Variants in CDH11 observed in about 807,000 individuals in gnomAD.
CDH11 encodes the protein cadherin-11.
In CDH11, 11 loss-of-function variants were observed where a neutral mutation model predicts 67.8. The ratio of observed to expected loss-of-function variants is 0.16; its 90% CI spans 0.10 to 0.27. The LOEUF (loss-of-function observed/expected upper bound fraction) is 0.27. Among genes scored for constraint, CDH11 ranks in the 10% least tolerant of loss-of-function variants. The probability of loss-of-function intolerance (pLI) is 1.00; values close to 1 mark genes in which losing one functional copy is unlikely to be tolerated. For missense variants in CDH11, 847 were observed against 1,031.2 expected, an observed-to-expected ratio of 0.82 and a Z score of 2.45; for synonymous variants, 419 against 400.0, an observed-to-expected ratio of 1.05 and a Z score of -0.57.
intron 7 of CDH11, 63 bp from the exon 8 acceptor site, chr16:64,982,364 C>T (rs1015978487): frequency 2.7e-5 from 35 of 1,311,414 alleles, no homozygotes; most frequent in Non-Finnish European, 3.5e-5. Flanking sequence ...AGAGAAAGAC[C>T]CGATTGTTTT....
rs367922113 is a variant in CDH11 at position 64,992,931 on chromosome 16, C to T, written c.627G>A (p.Ser209=). The T allele has an allele frequency of 2.2e-5, 36 of 1,613,412 alleles. No individual in the cohort carries two copies. The highest frequency in any genetic ancestry group is 6.7e-5 in the African/African-American group (5 of 74,982). Residue 209 remains serine, a synonymous_variant, in exon 5 of 13, where the codon TCG becomes TCA. Coordinates refer to ENST00000268603, the MANE Select transcript of CDH11 (RefSeq NM_001797.4). Reference sequence around the variant, plus strand: ...CCACAGTACCTGTCTGTGCTTCCACCGAAAAATAGGGTTGTCCTTCGAGGA... The same window carrying T: ...CCACAGTACCTGTCTGTGCTTCCACTGAAAAATAGGGTTGTCCTTCGAGGA... ...YSILEGQPYF[S]VEAQTGIIRT...
rs536712545 is a variant in CDH11 at position 65,022,389 on chromosome 16, C to T, written c.-172-17348G>A. 2.0e-5 allele frequency among the ~76,000 whole-genome samples: 3 copies of T among 152,286 alleles called. No homozygotes were observed. The East Asian group carries it at 5.8e-4, about 29-fold the overall frequency. ...AATTATCTCTCTGACAAAACTGGGA[C>T]TTGTCCATGTGGCTAAACTTTGCTA... On this transcript the variant is annotated intron_variant, in intron 2 of 12. Transcript: ENST00000268603.
chr16:65,017,033 T>C (rs962237994), intron 2 of CDH11, among the ~76,000 whole-genome samples: 1 of 152,126 alleles, frequency 6.6e-6, no homozygotes, highest in African/African-American at 2.4e-5. Flanking sequence ...TAGCAAATAA[T>C]GAGCAATGAG....
intron 1 of CDH11, among the ~76,000 whole-genome samples, chr16:65,092,322 A>T (rs538055374): frequency 1.3e-5 from 2 of 152,338 alleles, no homozygotes; most frequent in African/African-American, 4.8e-5. Context: ...AGAATTAAAA[A>T]TTCTGGACTC....
chr16:65,056,651 C>G (rs971616941), intron 1 of CDH11, among the ~76,000 whole-genome samples: 1 of 152,150 alleles, frequency 6.6e-6, no homozygotes. Flanking sequence ...AAAGGTAAGA[C>G]TCTTGCTGAA....
chr16:65,011,528 AG>A (rs995510586), intron 2 of CDH11, among the ~76,000 whole-genome samples: 2 of 152,184 alleles, frequency 1.3e-5, no homozygotes, highest in Admixed American at 1.3e-4. Flanking sequence ...ATAGTCATTC[AG>A]TGATTATTTA....
intron 2 of CDH11, among the ~76,000 whole-genome samples, chr16:65,031,928 A>G (rs2073651284): frequency 2.0e-5 from 3 of 152,146 alleles, no homozygotes; most frequent in Non-Finnish European, 4.4e-5. Context: ...TTAATTATTC[A>G]GTTTCCATCT....
intron 2 of CDH11, among the ~76,000 whole-genome samples, chr16:65,035,949 C>T (rs963133858): frequency 6.6e-6 from 1 of 152,086 alleles, no homozygotes; most frequent in African/African-American, 2.4e-5. Flanking sequence ...AAGTCAGCCC[C>T]AATTTGGCTT....
rs2072671246 is a variant in CDH11 at position 64,993,049 on chromosome 16, A to G, written c.524-15T>C. The stretch of plus-strand genomic sequence containing the variant: ...TACTGACGTTCCTTAAAAGTGAAAT[A>G]AATTAATTAGCAACATCTCCTCAGA... On this transcript the variant is annotated splice_polypyrimidine_tract_variant and intron_variant, in intron 4 of 12. Transcript: ENST00000268603. The G allele has an allele frequency of 2.5e-6, 4 of 1,602,562 alleles. No homozygotes were observed. The East Asian group carries it at 8.9e-5, about 36-fold the overall frequency.
intron 1 of CDH11, among the ~76,000 whole-genome samples, chr16:65,099,377 G>C (rs1172225278): frequency 6.6e-6 from 1 of 152,136 alleles, no homozygotes; most frequent in Non-Finnish European, 1.5e-5. Context: ...CAAGTGCACT[G>C]TCAATCACAA....
intron 8 of CDH11, among the ~76,000 whole-genome samples, chr16:64,977,136 T>C (rs1315230266): frequency 6.6e-6 from 1 of 151,774 alleles, no homozygotes; most frequent in Non-Finnish European, 1.5e-5. Context: ...GGAGCTCAAG[T>C]CTTCAGTGAA....
chr16:65,014,825 G>A (rs887485080), intron 2 of CDH11, among the ~76,000 whole-genome samples: 1 of 151,942 alleles, frequency 6.6e-6, no homozygotes, highest in African/African-American at 2.4e-5. Context: ...AGGAGAAGAG[G>A]CTGTTTGAGG....
chr16:65,025,202 C>T (rs189987676), intron 2 of CDH11, among the ~76,000 whole-genome samples: 6 of 152,256 alleles, frequency 3.9e-5, no homozygotes, highest in African/African-American at 1.4e-4. Flanking sequence ...CTCCCTCATT[C>T]CTAAGTTAAT....
At chr16:65,113,376 T>C (rs1047194621) in intron 1 of CDH11, among the ~76,000 whole-genome samples, 1 of 152,022 alleles carries the variant, frequency 6.6e-6, no homozygotes, top group Non-Finnish European at 1.5e-5. Context: ...CATTAAACCC[T>C]AAATTACCGT....
chr16:65,108,693 A>AC (rs2075106952), intron 1 of CDH11, among the ~76,000 whole-genome samples: 1 of 151,964 alleles, frequency 6.6e-6, no homozygotes, highest in Non-Finnish European at 1.5e-5. Context: ...TTAAAAAAAA[A>AC]AACTTTTAAA....
Position 64,946,308 on chromosome 16 carries a change from C to T in CDH11, c.*1295G>A, listed in dbSNP as rs2071195371. ...AGAAAAAATAGAATAACATTAGAGT[C>T]TGGGCAAATTTATATTTTTGACTCT... On this transcript the variant is annotated 3_prime_UTR_variant, in exon 13 of 13. Transcript: ENST00000268603. 1 of 1,045,046 alleles carries T rather than the reference C, an allele frequency of 9.6e-7. No individual in the cohort carries two copies. Among genetic ancestry groups the T allele is most frequent in the African/African-American group, 1.7e-5 (1 of 60,072 alleles). The allele number at this position is 1,045,046 out of a possible 1,614,324, so 64.7% of individuals were successfully genotyped here.
chr16:65,105,217 G>C (rs889019476), intron 1 of CDH11, among the ~76,000 whole-genome samples: 2 of 152,080 alleles, frequency 1.3e-5, no homozygotes, highest in Non-Finnish European at 2.9e-5. Context: ...TTGTTTATTT[G>C]TTTTTGGAAG....
intron 1 of CDH11, among the ~76,000 whole-genome samples, chr16:65,106,510 A>G (rs1283192371): frequency 6.6e-6 from 1 of 151,962 alleles, no homozygotes; most frequent in African/African-American, 2.4e-5. Context: ...ATTATTCTTT[A>G]TCTCTTATAA....
intron 11 of CDH11, among the ~76,000 whole-genome samples, chr16:64,966,292 T>G (rs1329989005): frequency 6.6e-6 from 1 of 152,076 alleles, no homozygotes; most frequent in Non-Finnish European, 1.5e-5. Context: ...ATTTTTAAAA[T>G]TTTAGTTCTT....
Sources: gnomAD v4.1 joint callset for allele counts (sites outside exome capture counted in the v4.1 genomes callset) on GRCh38, gnomAD v4.1.1 for gene constraint, MANE v1.5 for transcripts, NCBI Gene and HGNC (gene_info 2026-07-23, HGNC 2026-07-21) for gene names.